The following ELOVL7 variants were observed in gnomAD, a reference collection of about 807,000 sequenced individuals.
ELOVL7 encodes the protein ELOVL fatty acid elongase 7, also known as very long chain fatty acid elongase 7.
A neutral mutation model predicts 35.7 loss-of-function variants in ELOVL7; 27 were observed. The ratio of observed to expected loss-of-function variants is 0.76; its 90% CI spans 0.56 to 1.04. The LOEUF is 1.04. Among genes scored for constraint, ELOVL7 ranks in the 50% least tolerant of loss-of-function variants. ELOVL7 has a pLI of 0.00. For synonymous variants in ELOVL7, 113 were observed against 114.6 expected (o/e 0.99, Z 0.09); for missense variants, 327 against 340.8 (o/e 0.96, Z 0.32).
At chr5:60,773,103 T>C (rs1742696418) in intron 3 of ELOVL7, among the ~76,000 whole-genome samples, 1 of 152,178 alleles carries the variant, frequency 6.6e-6, no homozygotes, top group South Asian at 2.1e-4. Context: ...CAGAGATGGA[T>C]GAATAAAAAA....
At chr5:60,842,837 G>A (rs1747255974) in intron 1 of ELOVL7, among the ~76,000 whole-genome samples, 1 of 151,936 alleles carries the variant, frequency 6.6e-6, no homozygotes, top group East Asian at 1.9e-4. Context: ...TCGTTGTGAA[G>A]ATTAAAAGCT....
intron 1 of ELOVL7, among the ~76,000 whole-genome samples, chr5:60,811,898 A>G (rs1018489507): frequency 6.6e-5 from 10 of 152,216 alleles, no homozygotes; most frequent in African/African-American, 2.4e-4. Context: ...TTAATCTAAG[A>G]TAAATTATAG....
At chr5:60,804,964 C>T (rs1744841811) in intron 1 of ELOVL7, among the ~76,000 whole-genome samples, 1 of 152,220 alleles carries the variant, frequency 6.6e-6, no homozygotes, top group African/African-American at 2.4e-5. Context: ...GGCACCTACT[C>T]AGATTTCTAC....
chr5:60,838,502 C>T (rs1746962932), intron 1 of ELOVL7, among the ~76,000 whole-genome samples: 1 of 152,188 alleles, frequency 6.6e-6, no homozygotes, highest in African/African-American at 2.4e-5. Context: ...AGCCCCTTTG[C>T]CTGACACAAA....
At chr5:60,822,579 T>C (rs1032011894) in intron 1 of ELOVL7, among the ~76,000 whole-genome samples, 2 of 152,174 alleles carry the variant, frequency 1.3e-5, no homozygotes, top group South Asian at 2.1e-4. Context: ...CAGGTGGAGA[T>C]GTTTAGCAGG....
chr5:60,816,195 C>T (rs1745505664), intron 1 of ELOVL7, among the ~76,000 whole-genome samples: 1 of 152,114 alleles, frequency 6.6e-6, no homozygotes, highest in South Asian at 2.1e-4. Flanking sequence ...GCCTGGCCAA[C>T]ATGATGAATC....
At chr5:60,807,530 G>GA (rs35448485) in intron 1 of ELOVL7, among the ~76,000 whole-genome samples, 115,002 of 145,160 alleles carry the variant, frequency 0.79, 45,577 homozygotes, top group East Asian at 0.9. Flanking sequence ...TTCATTTGAT[G>GA]AAAAAAAAAA....
At chr5:60,769,487 C>T (rs1742442412) in intron 4 of ELOVL7, among the ~76,000 whole-genome samples, 1 of 152,226 alleles carries the variant, frequency 6.6e-6, no homozygotes, top group African/African-American at 2.4e-5. Context: ...AATCACTACA[C>T]AAGAAGGCAT....
intron 2 of ELOVL7, among the ~76,000 whole-genome samples, chr5:60,791,192 T>A (rs1743913739): frequency 6.6e-6 from 1 of 152,122 alleles, no homozygotes; most frequent in Non-Finnish European, 1.5e-5. Context: ...CTCAGGCTGG[T>A]CTCAAACTCC....
intron 1 of ELOVL7, among the ~76,000 whole-genome samples, chr5:60,821,765 A>G (rs1208623489): frequency 6.6e-6 from 1 of 152,260 alleles, no homozygotes; most frequent in Admixed American, 6.5e-5. Context: ...GTAAGCATTT[A>G]GAAATGTTTA....
At chr5:60,807,353 T>C (rs535947173) in intron 1 of ELOVL7, among the ~76,000 whole-genome samples, 1 of 152,072 alleles carries the variant, frequency 6.6e-6, no homozygotes, top group Non-Finnish European at 1.5e-5. Context: ...TCACTTTCCA[T>C]GTCCTTGGGC....
At chr5:60,775,994 T>A (rs1252982179) in intron 3 of ELOVL7, among the ~76,000 whole-genome samples, 1 of 152,062 alleles carries the variant, frequency 6.6e-6, no homozygotes, top group African/African-American at 2.4e-5. Flanking sequence ...AAGACCTAAT[T>A]AAACTAAAGA....
chr5:60,822,529 TG>T (rs1464818366), intron 1 of ELOVL7, among the ~76,000 whole-genome samples: 1 of 152,140 alleles, frequency 6.6e-6, no homozygotes. Flanking sequence ...AGAGATAGTT[TG>T]GTAAAGTAAA....
intron 3 of ELOVL7, among the ~76,000 whole-genome samples, chr5:60,780,666 A>C (rs1743194171): frequency 6.6e-6 from 1 of 152,204 alleles, no homozygotes; most frequent in South Asian, 2.1e-4. Flanking sequence ...CAATCATGAC[A>C]TAAGGCACCT....
At chr5:60,768,177 A>C (rs1742358328) in intron 4 of ELOVL7, among the ~76,000 whole-genome samples, 1 of 152,248 alleles carries the variant, frequency 6.6e-6, no homozygotes, top group Admixed American at 6.5e-5. Flanking sequence ...ATGGTGAAGA[A>C]TAAAACACTT....
intron 2 of ELOVL7, among the ~76,000 whole-genome samples, chr5:60,790,154 A>G (rs1284852848): frequency 1.3e-5 from 2 of 152,098 alleles, no homozygotes; most frequent in Admixed American, 6.5e-5. Flanking sequence ...AAAAGAAAAG[A>G]AAAAAACAAA....
At chr5:60,797,964 C>A (rs1744365560) in intron 2 of ELOVL7, among the ~76,000 whole-genome samples, 2 of 152,196 alleles carry the variant, frequency 1.3e-5, no homozygotes, top group Admixed American at 1.3e-4. Flanking sequence ...ATGCAAGCAA[C>A]CCTTTGTCTC....
chr5:60,839,043 T>C (rs933246176), intron 1 of ELOVL7, among the ~76,000 whole-genome samples: 1 of 145,558 alleles, frequency 6.9e-6, no homozygotes, highest in Non-Finnish European at 1.5e-5. Context: ...TATATATATA[T>C]ATATTTATGA....
At chr5:60,842,197 G>A (rs896885942) in intron 1 of ELOVL7, among the ~76,000 whole-genome samples, 3 of 152,114 alleles carry the variant, frequency 2.0e-5, no homozygotes, top group Non-Finnish European at 4.4e-5. Flanking sequence ...AGAGAGGATG[G>A]GAGTGGGCGA....
Sources: gnomAD v4.1 joint callset for allele counts (sites outside exome capture counted in the v4.1 genomes callset) on GRCh38, gnomAD v4.1.1 for gene constraint, MANE v1.5 for transcripts, NCBI Gene and HGNC (gene_info 2026-07-23, HGNC 2026-07-21) for gene names.